Variants in TRIM5 observed in about 807,000 individuals in gnomAD.
The protein encoded by TRIM5 is tripartite motif-containing protein 5.
In TRIM5, 31 loss-of-function variants were observed where a neutral mutation model predicts 35.6. That is an observed-to-expected ratio of 0.87 (90% CI 0.65 to 1.18). The LOEUF (loss-of-function observed/expected upper bound fraction) is 1.18, where lower values mean the gene tolerates loss of function less well. Ranked by LOEUF, TRIM5 falls within the 50% of genes most tolerant of loss-of-function variation. TRIM5 has a pLI of 0.00. For synonymous variants in TRIM5, 243 were observed against 215.6 expected (o/e 1.13, Z -1.11); for missense variants, 609 against 591.6 (o/e 1.03, Z -0.31).
the TRIM5 span, among the ~76,000 whole-genome samples, chr11:5,595,618 A>G: frequency 2.0e-3 from 300 of 152,322 alleles, no homozygotes; most frequent in Non-Finnish European, 3.4e-3. Context: ...TACACTGCAG[A>G]CAATTTACAA....
the TRIM5 span, among the ~76,000 whole-genome samples, chr11:5,592,966 G>C: frequency 6.7e-6 from 1 of 149,708 alleles, no homozygotes; most frequent in South Asian, 2.1e-4. Flanking sequence ...AAAAATGAGA[G>C]GAAAGTAGGG....
chr11:5,592,863 G>C, the TRIM5 span, among the ~76,000 whole-genome samples: 1 of 146,468 alleles, frequency 6.8e-6, no homozygotes, highest in Admixed American at 6.9e-5. Flanking sequence ...GCTGAAGTGA[G>C]CTGAGATTGT....
chr11:5,634,011 A>G, the TRIM5 span: 1 of 1,137,818 alleles, frequency 8.8e-7, no homozygotes, highest in Non-Finnish European at 1.2e-6. Context: ...AAGCCATTTG[A>G]TTAGTTCTCT....
At chr11:5,661,508 T>C (rs2134002667), downstream of TRIM5, among the ~76,000 whole-genome samples, 1 of 152,284 alleles carries the variant, frequency 6.6e-6, no homozygotes, top group South Asian at 2.1e-4. Flanking sequence ...CTGTTTTTTT[T>C]CACAACCTCT....
At chr11:5,666,325 C>G in intron 5 of TRIM5, 1 of 538,770 alleles carries the variant, frequency 1.9e-6, no homozygotes, top group Non-Finnish European at 3.4e-6. Flanking sequence ...TTTCTTCCTT[C>G]TAAAATGAAA....
Position 5,676,582 on chromosome 11 carries a change from C to G in TRIM5, c.744+1622G>C, listed in dbSNP as rs190568274. ...ATCCCCATCAAGCTAACAATGACTT[C>G]ACAGAATTGGAAAAAACTACTTTAA... is the stretch of plus-strand genomic sequence containing the variant. On this transcript the variant is annotated intron_variant, in intron 4 of 7. Coordinates refer to ENST00000380034, the MANE Select transcript of TRIM5 (RefSeq NM_033034.3). Among the ~76,000 whole-genome samples the G allele has an allele frequency of 4.1e-4, 62 of 150,544 alleles. No homozygotes were observed. In the East Asian group the frequency reaches 9.7e-3, roughly 23 times the overall value.
chr11:5,670,198 G>A lies in TRIM5; in HGVS notation c.745-2487C>T, dbSNP rs1326679453. On this transcript the variant is annotated intron_variant, in intron 4 of 7. Transcript: ENST00000380034. ...TTTTTTTTTTTTTTTTTTTTTTTGA[G>A]ATGGAGTCTCACTCTGTCACCCAGG... Among the ~76,000 whole-genome samples, 27 of 80,352 alleles carry A rather than the reference G, an allele frequency of 3.4e-4. 1 individual carries two copies. Among genetic ancestry groups the A allele is most frequent in the African/African-American group, 1.3e-3 (23 of 17,814 alleles). The allele number at this position is 80,352 out of a possible 152,430, so 52.7% of individuals were successfully genotyped here. A position where few individuals can be genotyped will look rare whatever the true frequency, so the allele number is the denominator to read the frequency against.
At chr11:5,661,563 T>C (rs1251860460), downstream of TRIM5, among the ~76,000 whole-genome samples, 3 of 152,174 alleles carry the variant, frequency 2.0e-5, no homozygotes, top group East Asian at 5.8e-4. Flanking sequence ...TCTAGCCAGA[T>C]ATGCCTAATT....
chr11:5,631,064 C>G, the TRIM5 span, among the ~76,000 whole-genome samples: 140,165 of 152,250 alleles, frequency 0.92, 64,849 homozygotes, highest in East Asian at 1. Flanking sequence ...CATCTCCTTG[C>G]TATTTCTATT....
At chr11:5,627,310 G>A in the TRIM5 span, among the ~76,000 whole-genome samples, 4 of 152,044 alleles carry the variant, frequency 2.6e-5, no homozygotes, top group African/African-American at 9.7e-5. Flanking sequence ...AACCCAGCAA[G>A]CAGAGGTTGC....
the TRIM5 span, among the ~76,000 whole-genome samples, chr11:5,658,133 G>A: frequency 5.9e-5 from 9 of 152,108 alleles, no homozygotes; most frequent in Non-Finnish European, 8.8e-5. Context: ...GGCCTGCTAT[G>A]CCCCCATCCT....
At chr11:5,622,033 A>C in the TRIM5 span, among the ~76,000 whole-genome samples, 4 of 152,202 alleles carry the variant, frequency 2.6e-5, no homozygotes, top group Non-Finnish European at 2.9e-5. Context: ...ATATTATCTG[A>C]GATCTGTCTC....
At chr11:5,681,238 G>A (rs888505293) in intron 1 of TRIM5, among the ~76,000 whole-genome samples, 8 of 152,112 alleles carry the variant, frequency 5.3e-5, no homozygotes, top group African/African-American at 1.7e-4. Context: ...CGGAACAAAC[G>A]GAGGGTCGGC....
chr11:5,650,595 C>A, the TRIM5 span, among the ~76,000 whole-genome samples: 4 of 152,212 alleles, frequency 2.6e-5, no homozygotes, highest in African/African-American at 9.7e-5. Flanking sequence ...GAAGACCATG[C>A]ACATGTGAGC....
chr11:5,599,392 T>A, the TRIM5 span, among the ~76,000 whole-genome samples: 6 of 140,668 alleles, frequency 4.3e-5, no homozygotes, highest in Non-Finnish European at 6.2e-5. Flanking sequence ...TATATTTATT[T>A]ATTTATTTAT....
intron 1 of TRIM5, among the ~76,000 whole-genome samples, chr11:5,682,346 T>C (rs1852544540): frequency 6.6e-6 from 1 of 152,126 alleles, no homozygotes; most frequent in Non-Finnish European, 1.5e-5. Context: ...ACCTAAGCTC[T>C]GCTTTTGGGG....
chr11:5,627,678 G>GCTCA, the TRIM5 span, among the ~76,000 whole-genome samples: 1 of 152,186 alleles, frequency 6.6e-6, no homozygotes, highest in South Asian at 2.1e-4. Context: ...CTAAGGAGTA[G>GCTCA]CTGAAGCAAG....
chr11:5,659,043 C>T (rs1013767361), downstream of TRIM5, among the ~76,000 whole-genome samples: 5 of 152,054 alleles, frequency 3.3e-5, no homozygotes, highest in African/African-American at 1.2e-4. Flanking sequence ...AGGAGAAATA[C>T]CTAATGTAAA....
the TRIM5 span, among the ~76,000 whole-genome samples, chr11:5,657,336 G>A: frequency 4.0e-5 from 6 of 151,176 alleles, no homozygotes; most frequent in African/African-American, 1.2e-4. Context: ...GGAAGGGATC[G>A]CATTAGGATA....
Sources: allele counts gnomAD v4.1 joint callset (sites outside exome capture counted in the v4.1 genomes callset), GRCh38; gene constraint gnomAD v4.1.1; transcripts MANE v1.5; gene names NCBI Gene and HGNC (gene_info 2026-07-23, HGNC 2026-07-21).